Variants in KIF1B observed in about 807,000 individuals in gnomAD.
KIF1B encodes kinesin family member 1B.
KIF1B carries 76 observed loss-of-function variants against 241.9 expected under a neutral mutation model. The ratio of observed to expected loss-of-function variants is 0.31; its 90% CI spans 0.26 to 0.38. The LOEUF (loss-of-function observed/expected upper bound fraction) is 0.38, where lower values mean the gene tolerates loss of function less well. Ranked by LOEUF, KIF1B falls within the 10% of genes least tolerant of loss-of-function variation. KIF1B has a pLI of 1.00. For synonymous variants in KIF1B, 750 were observed against 796.7 expected (o/e 0.94, Z 0.99); for missense variants, 1,622 against 2,271.4 (o/e 0.71, Z 5.81).
chr1:10,262,033 A>C, intron 5 of KIF1B, 63 bp downstream of exon 5: 1 of 1,074,332 alleles, frequency 9.3e-7, no homozygotes, highest in Admixed American at 1.8e-5. Flanking sequence ...GCATCACTTA[A>C]ATGGCTCCAA....
chr1:10,334,343 A>G (rs1652081360), intron 27 of KIF1B, among the ~76,000 whole-genome samples, 177 bp from the exon 28 acceptor site: 1 of 152,064 alleles, frequency 6.6e-6, no homozygotes, highest in African/African-American at 2.4e-5. Context: ...TTGCTTGTTC[A>G]TTATCTGTGC....
chr1:10,313,660 C>G (rs1324849758), intron 22 of KIF1B, among the ~76,000 whole-genome samples: 1 of 148,554 alleles, frequency 6.7e-6, no homozygotes, highest in Non-Finnish European at 1.5e-5. Context: ...ACACCATTCT[C>G]CTGCCTCAGG....
intron 2 of KIF1B, among the ~76,000 whole-genome samples, chr1:10,242,517 TTAATA>T (rs909833621): frequency 1.3e-5 from 2 of 152,152 alleles, no homozygotes; most frequent in African/African-American, 2.4e-5. Context: ...TACGATATTA[TTAATA>T]TAATCTTTTT....
intron 45 of KIF1B, among the ~76,000 whole-genome samples, chr1:10,372,888 A>C (rs1031576203): frequency 6.6e-6 from 1 of 151,454 alleles, no homozygotes; most frequent in African/African-American, 2.4e-5. Flanking sequence ...ATCTTGGCTC[A>C]CTGCAACCTC....
chr1:10,276,300 A>G, intron 11 of KIF1B, 21 bp from the exon 12 acceptor site: 1 of 1,570,778 alleles, frequency 6.4e-7, no homozygotes, highest in Non-Finnish European at 8.8e-7. Context: ...GTGATTTGAT[A>G]CTCATGATTA....
chr1:10,350,053 G>C (rs1489546846), intron 37 of KIF1B, among the ~76,000 whole-genome samples: 1 of 152,200 alleles, frequency 6.6e-6, no homozygotes, highest in Non-Finnish European at 1.5e-5. Context: ...CACTTTAGGA[G>C]GCTGAGATGG....
intron 15 of KIF1B, among the ~76,000 whole-genome samples, chr1:10,283,427 G>C (rs900973463): frequency 6.6e-6 from 1 of 152,210 alleles, no homozygotes; most frequent in Non-Finnish European, 1.5e-5. Context: ...ATGGCTCCCA[G>C]CTTTGCTGTT....
chr1:10,229,419 G>T (rs1262486806), intron 1 of KIF1B, among the ~76,000 whole-genome samples: 1 of 152,112 alleles, frequency 6.6e-6, no homozygotes, highest in Non-Finnish European at 1.5e-5. Flanking sequence ...CTTATGTCAG[G>T]TACTGTTGTA....
intron 36 of KIF1B, among the ~76,000 whole-genome samples, chr1:10,348,297 C>CT (rs1652661122): frequency 6.6e-6 from 1 of 152,036 alleles, no homozygotes; most frequent in African/African-American, 2.4e-5. Context: ...GGCATAGGGG[C>CT]TAGGGATACC....
intron 15 of KIF1B, among the ~76,000 whole-genome samples, chr1:10,285,139 A>G (rs1190146848): frequency 1.3e-5 from 2 of 152,344 alleles, no homozygotes; most frequent in South Asian, 4.1e-4. Context: ...TTTCAGAGCC[A>G]GAGTGAGAAA....
chr1:10,261,772 CT>C, intron 4 of KIF1B, 132 bp from the exon 5 acceptor site: 1 of 711,362 alleles, frequency 1.4e-6, no homozygotes, highest in Non-Finnish European at 2.6e-6. Flanking sequence ...TTAATCGTAT[CT>C]TGATGTTTAT....
chr1:10,216,096 A>G (rs1646764305), intron 1 of KIF1B, among the ~76,000 whole-genome samples: 1 of 152,224 alleles, frequency 6.6e-6, no homozygotes, highest in Non-Finnish European at 1.5e-5. Context: ...CCCATTTTAC[A>G]GATGAAACTA....
At chr1:10,235,783 A>G (rs2102136808) in intron 2 of KIF1B, among the ~76,000 whole-genome samples, 1 of 148,968 alleles carries the variant, frequency 6.7e-6, no homozygotes, top group South Asian at 2.1e-4. Flanking sequence ...AATCACTTGA[A>G]CCCGGGAGGT....
intron 44 of KIF1B, among the ~76,000 whole-genome samples, chr1:10,369,256 CT>C (rs1638656606): frequency 6.6e-6 from 1 of 152,212 alleles, no homozygotes; most frequent in East Asian, 1.9e-4. Flanking sequence ...CTGTCTTAAG[CT>C]CCAGGGAGGC....
Position 10,223,546 on chromosome 1 carries a change from G to GTT in KIF1B, c.-79-8685_-79-8684dup, listed in dbSNP as rs113574017. On this transcript the variant is annotated intron_variant, in intron 1 of 48. Coordinates refer to ENST00000676179, the MANE Select transcript of KIF1B (RefSeq NM_001365951.3). Reference sequence around the variant, plus strand: ...GTGGTTTTTTTTTTTGTTTTGTTTTGTTTTTTTTTTTTTTTTTTTTAGACG... The same window carrying GTT: ...GTGGTTTTTTTTTTTGTTTTGTTTTGTTTTTTTTTTTTTTTTTTTTTTAGACG... Among the ~76,000 whole-genome samples, 49 of 131,282 alleles carry GTT rather than the reference G, an allele frequency of 3.7e-4. 1 individual carries two copies. Among genetic ancestry groups the GTT allele is most frequent in the African/African-American group, 7.4e-4 (25 of 33,750 alleles). 86.1% of individuals were successfully genotyped at this position (131,282 alleles called of 152,430 possible).
chr1:10,360,854 T>A, intron 38 of KIF1B, 75 bp from the exon 39 acceptor site: 1 of 953,918 alleles, frequency 1.0e-6, no homozygotes, highest in Admixed American at 1.7e-5. Flanking sequence ...TTTAGGATGA[T>A]TGACAGTGGC....
intron 38 of KIF1B, among the ~76,000 whole-genome samples, chr1:10,358,076 C>T (rs1183336212): frequency 7.7e-6 from 1 of 129,888 alleles, no homozygotes; most frequent in African/African-American, 2.9e-5. Flanking sequence ...GGTATTCTAA[C>T]AGAACTTGCT....
At position 10,303,838 on chromosome 1, in the gene KIF1B, A is replaced by G. The variant is rs767270717; in HGVS notation, c.2115+6592A>G. 4 of 1,614,090 alleles carry G rather than the reference A, an allele frequency of 2.5e-6. No individual in the cohort carries two copies. The highest frequency in any genetic ancestry group is 1.1e-5 in the South Asian group (1 of 91,090). On this transcript the variant is annotated intron_variant, in intron 22 of 48. Coordinates refer to ENST00000676179, the MANE Select transcript of KIF1B (RefSeq NM_001365951.3). The surrounding 1 kb of genome is among the most constrained non-coding windows in gnomAD (Gnocchi z 5.2). ...GCCTGTTGGTGCTGGTGTTAGTAGC[A>G]CCTCTGAGAATAATGTAAGTAAAGG...
intron 23 of KIF1B, 94 bp from the exon 24 acceptor site, chr1:10,321,615 A>G (rs1651526533): frequency 2.2e-6 from 3 of 1,356,902 alleles, no homozygotes; most frequent in East Asian, 4.6e-5. Flanking sequence ...ACTGGAAAAC[A>G]CCTCACCTTG....
Sources: gnomAD v4.1 joint callset for allele counts (sites outside exome capture counted in the v4.1 genomes callset) on GRCh38, gnomAD v4.1.1 for gene constraint, Gnocchi (gnomAD v3.1) non-coding constraint, MANE v1.5 for transcripts, NCBI Gene and HGNC (gene_info 2026-07-23, HGNC 2026-07-21) for gene names.